Variants in SLC8A1 observed in about 807,000 individuals in gnomAD.
The protein encoded by SLC8A1 is sodium/calcium exchanger 1.
Under a neutral mutation model 68.3 loss-of-function variants are expected in SLC8A1, and 18 were observed. The ratio of observed to expected loss-of-function variants is 0.26; its 90% CI spans 0.18 to 0.39. The LOEUF is 0.39. SLC8A1 is among the 10% of genes least tolerant of loss of function. The pLI, the probability that SLC8A1 is intolerant of heterozygous loss-of-function variation, is 1.00. For missense variants in SLC8A1, 985 were observed against 1,156.7 expected (o/e 0.85, Z 2.15); for synonymous variants, 475 against 415.5 (o/e 1.14, Z -1.74).
intron 2 of SLC8A1, among the ~76,000 whole-genome samples, chr2:40,202,796 G>C (rs927897070): frequency 2.0e-5 from 3 of 151,978 alleles, no homozygotes. Flanking sequence ...AAAAGTCACT[G>C]TTCATGAATT....
At chr2:40,399,389 AAAC>A (rs1687994536) in intron 2 of SLC8A1, among the ~76,000 whole-genome samples, 2 of 152,038 alleles carry the variant, frequency 1.3e-5, no homozygotes, top group South Asian at 4.2e-4. Context: ...AAATCAACAG[AAAC>A]AACACGCCAG....
intron 2 of SLC8A1, among the ~76,000 whole-genome samples, chr2:40,359,744 T>C (rs185989402): frequency 5.2e-4 from 79 of 152,194 alleles, no homozygotes; most frequent in African/African-American, 1.9e-3. Flanking sequence ...TATGGAAATA[T>C]ACAATTTAAG....
At chr2:40,491,721 G>C (rs767029768) in intron 1 of SLC8A1, among the ~76,000 whole-genome samples, 2 of 152,096 alleles carry the variant, frequency 1.3e-5, no homozygotes, top group African/African-American at 4.8e-5. Flanking sequence ...GGCCTTTTCT[G>C]CATCTATTGA....
At chr2:40,492,666 A>C (rs6728733) in intron 1 of SLC8A1, among the ~76,000 whole-genome samples, 61,788 of 142,874 alleles carry the variant, frequency 0.43, 14,618 homozygotes, top group Non-Finnish European at 0.56. Context: ...CAAACAACCC[A>C]ATCAAAAAGT....
At chr2:40,168,706 T>C (rs1486780406) in intron 4 of SLC8A1, among the ~76,000 whole-genome samples, 1 of 152,214 alleles carries the variant, frequency 6.6e-6, no homozygotes, top group South Asian at 2.1e-4. Flanking sequence ...CAAAAGCAGA[T>C]CATTTTACTA....
At chr2:40,132,694 T>A (rs1178127348) in intron 7 of SLC8A1, among the ~76,000 whole-genome samples, 2 of 152,202 alleles carry the variant, frequency 1.3e-5, no homozygotes, top group Non-Finnish European at 2.9e-5. Context: ...TAATATAATG[T>A]TTTGTAGCAC....
At chr2:40,330,127 C>G (rs920961973) in intron 2 of SLC8A1, among the ~76,000 whole-genome samples, 2 of 152,192 alleles carry the variant, frequency 1.3e-5, no homozygotes, top group Non-Finnish European at 2.9e-5. Context: ...TTTGAATGGA[C>G]TATCCTACGC....
chr2:40,507,541 A>G (rs1483790194), intron 1 of SLC8A1, among the ~76,000 whole-genome samples: 1 of 152,038 alleles, frequency 6.6e-6, no homozygotes, highest in African/African-American at 2.4e-5. Flanking sequence ...ACACTACTGA[A>G]TATCTTTCAC....
At chr2:40,493,686 GCT>G (rs1705486260) in intron 1 of SLC8A1, among the ~76,000 whole-genome samples, 3 of 133,228 alleles carry the variant, frequency 2.3e-5, no homozygotes, top group Non-Finnish European at 4.7e-5. Context: ...ACAGAGTCTT[GCT>G]CTGTTTCCCA....
At chr2:40,309,783 C>T (rs558946984) in intron 2 of SLC8A1, among the ~76,000 whole-genome samples, 10 of 152,186 alleles carry the variant, frequency 6.6e-5, no homozygotes, top group African/African-American at 1.4e-4. Flanking sequence ...GGATTACAGG[C>T]GTGAGCTATC....
intron 7 of SLC8A1, among the ~76,000 whole-genome samples, chr2:40,130,836 G>A (rs1425645690): frequency 6.6e-6 from 1 of 152,166 alleles, no homozygotes; most frequent in Non-Finnish European, 1.5e-5. Flanking sequence ...GTTGAGAGGA[G>A]AAAGCTCATG....
chr2:40,131,002 A>C (rs2039208980), intron 7 of SLC8A1, among the ~76,000 whole-genome samples: 2 of 147,214 alleles, frequency 1.4e-5, no homozygotes, highest in Admixed American at 1.4e-4. Flanking sequence ...AGGAGGCCTA[A>C]CTTGTTTATC....
At chr2:40,500,795 C>CTTTTTTTTTTTTT (rs1191619172) in intron 1 of SLC8A1, among the ~76,000 whole-genome samples, 4 of 37,262 alleles carry the variant, frequency 1.1e-4, no homozygotes, top group Admixed American at 9.7e-4. Context: ...TATCATCTGA[C>CTTTTTTTTTTTTT]TTTTTTTTTT....
intron 2 of SLC8A1, among the ~76,000 whole-genome samples, chr2:40,235,971 G>A (rs938334306): frequency 1.6e-4 from 24 of 151,322 alleles, no homozygotes; most frequent in African/African-American, 5.3e-4. Context: ...GAGATAGTTT[G>A]TTATAATTTC....
At position 40,440,030 on chromosome 2, in the gene SLC8A1, G is replaced by T. The variant is rs184358135; in HGVS notation, c.-24-9726C>A. ...TGAAACTCACCTTAGAAAGAAACTA[G>T]TCAAATCTTATTATTTAGAGGACCA... is the stretch of plus-strand genomic sequence containing the variant. On this transcript the variant is annotated intron_variant, in intron 1 of 7. Coordinates refer to ENST00000406785, the Ensembl canonical transcript of SLC8A1. 2.6e-3 allele frequency among the ~76,000 whole-genome samples: 401 copies of T among 152,078 alleles called. 1 individual carries two copies. The highest frequency in any genetic ancestry group is 0.024 in the Middle Eastern group (7 of 292).
intron 2 of SLC8A1, among the ~76,000 whole-genome samples, chr2:40,320,907 G>A (rs770800212): frequency 5.1e-4 from 77 of 152,088 alleles, no homozygotes; most frequent in Non-Finnish European, 7.5e-4. Flanking sequence ...TTGGCTGTGA[G>A]TTACCCACAG....
intron 7 of SLC8A1, among the ~76,000 whole-genome samples, chr2:40,127,862 T>C (rs985185099): frequency 6.6e-6 from 1 of 152,180 alleles, no homozygotes; most frequent in African/African-American, 2.4e-5. Flanking sequence ...GAGTACAAAA[T>C]ACAGGATTTA....
At chr2:40,350,932 G>C (rs142888027) in intron 2 of SLC8A1, among the ~76,000 whole-genome samples, 1 of 152,106 alleles carries the variant, frequency 6.6e-6, no homozygotes, top group Non-Finnish European at 1.5e-5. Flanking sequence ...TATGTGACTT[G>C]TCAAAGGGCA....
intron 1 of SLC8A1, among the ~76,000 whole-genome samples, chr2:40,436,860 G>C (rs569564961): frequency 6.6e-5 from 10 of 152,018 alleles, no homozygotes. Context: ...GATAATCTTG[G>C]GCTCCATGTG....
Sources: allele counts gnomAD v4.1 joint callset (sites outside exome capture counted in the v4.1 genomes callset), GRCh38; gene constraint gnomAD v4.1.1; transcripts MANE v1.5; gene names NCBI Gene and HGNC (gene_info 2026-07-23, HGNC 2026-07-21).